Variants in TG observed in about 807,000 individuals in gnomAD.
TG encodes the protein thyroid hormones.
TG carries 270 observed loss-of-function variants against 324.7 expected under a neutral mutation model. That is an observed-to-expected ratio of 0.83 (90% CI 0.75 to 0.92). The LOEUF is 0.92. TG is among the 40% of genes least tolerant of loss of function. The pLI is 0.00. For synonymous variants in TG, 1,401 were observed against 1,327.0 expected, an observed-to-expected ratio of 1.06 and a Z score of -1.21; for missense variants, 3,591 against 3,456.4, an observed-to-expected ratio of 1.04 and a Z score of -0.98.
chr8:133,058,189 G>A (rs1409684250), intron 41 of TG, among the ~76,000 whole-genome samples: 2 of 152,184 alleles, frequency 1.3e-5, no homozygotes, highest in Non-Finnish European at 2.9e-5. Flanking sequence ...ACTCAAGTAG[G>A]TAGAAGAGAA....
At position 133,061,838 on chromosome 8, in the gene TG, C is replaced by T. The variant is rs143018932; in HGVS notation, c.7239+31815C>T. Among the ~76,000 whole-genome samples the T allele has an allele frequency of 1.5e-3, 230 of 152,248 alleles. 1 individual carries two copies. Among genetic ancestry groups the T allele is most frequent in the African/African-American group, 5.2e-3 (214 of 41,524 alleles). ...TACACTCTCAGAGCAAGGCCCTCCCCGGGTTGAGGGAGGTCTGCACTGCTC... is the reference window on the plus strand; with the variant it reads ...TACACTCTCAGAGCAAGGCCCTCCCTGGGTTGAGGGAGGTCTGCACTGCTC... On this transcript the variant is annotated intron_variant, in intron 41 of 47. Coordinates refer to ENST00000220616, the MANE Select transcript of TG (RefSeq NM_003235.5).
chr8:132,869,025 G>C (rs1210741740), intron 2 of TG, among the ~76,000 whole-genome samples: 3 of 152,210 alleles, frequency 2.0e-5, no homozygotes, highest in East Asian at 1.9e-4. Flanking sequence ...GATGCTGCTA[G>C]AGCAGTCCCT....
At position 132,887,141 on chromosome 8, in the gene TG, AT is replaced by A. The variant is rs1267550065; in HGVS notation, c.1770del (p.Asp590GlufsTer6). On this transcript the variant is annotated frameshift_variant, in exon 9 of 48. Transcript: ENST00000220616. LOFTEE classifies it high-confidence loss of function. ...FLQHAISVPEDVARDLGDVME... is the reference protein window; with the variant it reads ...FLQHAISVPEXVARDLGDVME... The stretch of plus-strand genomic sequence containing the variant: ...CAACATGCTATCTCTGTGCCAGAAG[AT>A]GTGGCAAGAGATTTAGGTGATGTGA... The A allele has an allele frequency of 6.2e-7, 1 of 1,614,178 alleles. No homozygotes were observed. The highest frequency in any genetic ancestry group is 8.5e-7 in the Non-Finnish European group (1 of 1,180,028).
intron 19 of TG, 126 bp from the exon 20 acceptor site, chr8:132,912,921 A>T: frequency 1.1e-6 from 1 of 920,358 alleles, no homozygotes; most frequent in Non-Finnish European, 1.7e-6. Context: ...CTGTAAAATG[A>T]GACACCACAT....
chr8:132,951,669 G>T (rs753188727), intron 27 of TG, among the ~76,000 whole-genome samples: 6 of 152,164 alleles, frequency 3.9e-5, no homozygotes, highest in Non-Finnish European at 5.9e-5. Flanking sequence ...TGTGCACTAT[G>T]ATAGGGATTT....
chr8:133,072,815 G>A (rs1844270551), intron 41 of TG: 1 of 150,798 alleles, frequency 6.6e-6, no homozygotes, highest in African/African-American at 2.4e-5. Context: ...ACTTTAGTTT[G>A]CTGCAATGCA....
intron 16 of TG, among the ~76,000 whole-genome samples, chr8:132,906,077 G>A (rs976080275): frequency 3.9e-5 from 6 of 152,176 alleles, no homozygotes; most frequent in Non-Finnish European, 7.3e-5. Context: ...AGTGGGATGT[G>A]GGAGCAGAAA....
chr8:132,975,833 T>C lies in TG; in HGVS notation c.6199+3092T>C, dbSNP rs142709544. On this transcript the variant is annotated intron_variant, in intron 34 of 47. Transcript: ENST00000220616. ...GACCCTAAATCACTATGTTGTGTGATTGAAGGTGAAAAAGCCATGATTTCT... is the reference window on the plus strand; with the variant it reads ...GACCCTAAATCACTATGTTGTGTGACTGAAGGTGAAAAAGCCATGATTTCT... Among the ~76,000 whole-genome samples, 30 of 152,290 alleles carry C rather than the reference T, an allele frequency of 2.0e-4. No homozygotes were observed. The East Asian group carries it at 5.0e-3, about 25-fold the overall frequency.
At chr8:132,996,203 C>T (rs1308140634) in intron 35 of TG, among the ~76,000 whole-genome samples, 2 of 151,054 alleles carry the variant, frequency 1.3e-5, no homozygotes, top group Admixed American at 1.3e-4. Flanking sequence ...GTTATTCTTG[C>T]AGTGTAAATG....
intron 43 of TG, among the ~76,000 whole-genome samples, chr8:133,101,482 A>C (rs1164654204): frequency 6.6e-6 from 1 of 152,142 alleles, no homozygotes; most frequent in African/African-American, 2.4e-5. Context: ...GGAGGGCCTC[A>C]ATCTCAGCCA....
chr8:132,903,397 C>T (rs574195880), intron 16 of TG, among the ~76,000 whole-genome samples: 1 of 152,306 alleles, frequency 6.6e-6, no homozygotes, highest in South Asian at 2.1e-4. Flanking sequence ...GCCACTCCTG[C>T]CCCATGCAGG....
intron 35 of TG, chr8:133,001,856 G>A (rs1833541672): frequency 1.0e-6 from 1 of 985,356 alleles, no homozygotes; most frequent in Non-Finnish European, 1.2e-6. Context: ...CAGCCAGCCT[G>A]TGCAGGTGTG....
chr8:133,114,438 T>C (rs558101772), intron 44 of TG, among the ~76,000 whole-genome samples: 47 of 152,306 alleles, frequency 3.1e-4, no homozygotes, highest in Non-Finnish European at 5.9e-4. Context: ...CTCCTAGTAC[T>C]GCATGAGCTC....
intron 35 of TG, among the ~76,000 whole-genome samples, chr8:133,005,872 C>T (rs533956262): frequency 6.6e-6 from 1 of 152,168 alleles, no homozygotes; most frequent in South Asian, 2.1e-4. Context: ...TGGAGGGCAT[C>T]CCTTCTTACC....
chr8:132,906,562 C>T, intron 16 of TG, 126 bp from the exon 17 acceptor site: 2 of 1,089,008 alleles, frequency 1.8e-6, no homozygotes, highest in Admixed American at 2.0e-5. Flanking sequence ...GAGAGCTTGA[C>T]AGGTCCAGGG....
chr8:132,981,317 G>T (rs1244112689), intron 34 of TG, among the ~76,000 whole-genome samples: 1 of 152,186 alleles, frequency 6.6e-6, no homozygotes, highest in Non-Finnish European at 1.5e-5. Flanking sequence ...AATCAGTATT[G>T]GGAGATGTTT....
At chr8:132,933,715 C>T (rs774538857) in intron 24 of TG, 39 bp downstream of exon 24, 32 of 1,576,152 alleles carry the variant, frequency 2.0e-5, no homozygotes, top group Non-Finnish European at 2.7e-5. Flanking sequence ...GCTCCTCATC[C>T]GCTGTGGATC....
chr8:132,988,448 AGTGC>A (rs1831882371), intron 35 of TG, among the ~76,000 whole-genome samples: 1 of 97,788 alleles, frequency 1.0e-5, no homozygotes, highest in Non-Finnish European at 2.2e-5. Context: ...CAAAGCGTAA[AGTGC>A]ATTGGATACT....
chr8:132,923,473 A>G lies in TG; in HGVS notation c.4664A>G (p.Glu1555Gly). ...DGEGRRLPWW[E>G]TEAPLEDSQC... ...GAGGGGCGGAGGCTGCCATGGTGGG[A>G]AACAGAGGCCCCTCTTGAGGACTCA... Residue 1555 changes from glutamate (E) to glycine (G), a missense_variant, in exon 22 of 48, where the codon GAA becomes GGA. Physicochemically the swap from Glu to Gly is moderately conservative, Grantham distance 98. Transcript: ENST00000220616. 1 of 1,613,966 alleles carries G rather than the reference A, an allele frequency of 6.2e-7. No homozygotes were observed. The highest frequency in any genetic ancestry group is 8.5e-7 in the Non-Finnish European group (1 of 1,179,928).
Sources: gnomAD v4.1 joint callset for allele counts (sites outside exome capture counted in the v4.1 genomes callset) on GRCh38, gnomAD v4.1.1 for gene constraint, MANE v1.5 for transcripts, NCBI Gene and HGNC (gene_info 2026-07-23, HGNC 2026-07-21) for gene names.